The following KIF1B variants were observed in gnomAD, a reference collection of about 807,000 sequenced individuals.
The protein encoded by KIF1B is kinesin-like protein KIF1B.
In KIF1B, 76 loss-of-function variants were observed where a neutral mutation model predicts 241.9. The ratio of observed to expected loss-of-function variants is 0.31; its 90% CI spans 0.26 to 0.38. The LOEUF (loss-of-function observed/expected upper bound fraction) is 0.38, where lower values mean the gene tolerates loss of function less well. Ranked by LOEUF, KIF1B falls within the 10% of genes least tolerant of loss-of-function variation. The pLI, the probability that KIF1B is intolerant of heterozygous loss-of-function variation, is 1.00. For synonymous variants in KIF1B, 750 were observed against 796.7 expected (o/e 0.94, Z 0.99); for missense variants, 1,622 against 2,271.4 (o/e 0.71, Z 5.81).
In KIF1B at chr1:10,328,589, G is replaced by A. The variant is rs150168465; in HGVS notation, c.2924+2230G>A. On this transcript the variant is annotated intron_variant, in intron 27 of 48. Transcript: ENST00000676179. ...GATGGCTGCCTGTGTTCTTCAGCAC[G>A]TTTCCATCCTGTTCTAAGGGAGTTG... Among the ~76,000 whole-genome samples the A allele has an allele frequency of 7.4e-4, 113 of 152,338 alleles. 1 individual carries two copies. In the East Asian group the frequency reaches 0.019, roughly 25 times the overall value.
At chr1:10,314,887 G>A (rs1486747552) in intron 22 of KIF1B, among the ~76,000 whole-genome samples, 1 of 151,478 alleles carries the variant, frequency 6.6e-6, no homozygotes, top group Non-Finnish European at 1.5e-5. Flanking sequence ...ACTTATTCTT[G>A]AAGAAATCCT....
intron 15 of KIF1B, among the ~76,000 whole-genome samples, chr1:10,290,713 T>A (rs1219654579): frequency 6.6e-6 from 1 of 151,534 alleles, no homozygotes; most frequent in East Asian, 2.0e-4. Flanking sequence ...CTACTAAAAA[T>A]ACAAAAATTA....
At chr1:10,233,566 A>G (rs893009622) in intron 2 of KIF1B, among the ~76,000 whole-genome samples, 1 of 151,896 alleles carries the variant, frequency 6.6e-6, no homozygotes, top group Non-Finnish European at 1.5e-5. Context: ...ATTGTAGTTC[A>G]CTCTTCTATG....
chr1:10,284,095 C>T (rs976512542), intron 15 of KIF1B, among the ~76,000 whole-genome samples: 7 of 152,240 alleles, frequency 4.6e-5, no homozygotes, highest in South Asian at 2.1e-4. Flanking sequence ...CAGTGTGGGC[C>T]GGGCATGGTG....
At chr1:10,240,265 G>A (rs1316436311) in intron 2 of KIF1B, among the ~76,000 whole-genome samples, 1 of 151,242 alleles carries the variant, frequency 6.6e-6, no homozygotes, top group Non-Finnish European at 1.5e-5. Context: ...CTGGAGTGCA[G>A]TGGTGCGATC....
intron 37 of KIF1B, among the ~76,000 whole-genome samples, chr1:10,352,361 G>T (rs1027938723): frequency 6.6e-6 from 1 of 152,328 alleles, no homozygotes; most frequent in Admixed American, 6.5e-5. Flanking sequence ...GACCAGAGAG[G>T]AGGTGGCCTT....
intron 2 of KIF1B, among the ~76,000 whole-genome samples, chr1:10,252,542 G>T (rs1647520006): frequency 6.6e-6 from 1 of 151,690 alleles, no homozygotes; most frequent in South Asian, 2.1e-4. Flanking sequence ...CCCCTGAGTA[G>T]CTGGGAGTGC....
intron 31 of KIF1B, among the ~76,000 whole-genome samples, chr1:10,338,974 A>T (rs1213295805): frequency 1.3e-5 from 2 of 151,904 alleles, no homozygotes; most frequent in African/African-American, 4.8e-5. Flanking sequence ...CTTTTTCTCC[A>T]TTTTTTCTTG....
intron 10 of KIF1B, 106 bp from the exon 11 acceptor site, chr1:10,275,322 G>A (rs192109748): frequency 1.5e-5 from 11 of 722,450 alleles, no homozygotes; most frequent in Admixed American, 9.9e-5. Flanking sequence ...CAGTGTCGGG[G>A]TTGTACTGTA....
At chr1:10,314,760 T>C (rs571162846) in intron 22 of KIF1B, among the ~76,000 whole-genome samples, 3 of 151,756 alleles carry the variant, frequency 2.0e-5, no homozygotes, top group East Asian at 3.9e-4. Flanking sequence ...GGGAAATCTT[T>C]TCATGTTAGT....
At chr1:10,237,958 G>A (rs767655344) in intron 2 of KIF1B, among the ~76,000 whole-genome samples, 3 of 152,102 alleles carry the variant, frequency 2.0e-5, no homozygotes, top group East Asian at 1.9e-4. Flanking sequence ...GCGGTGAGCC[G>A]TGATCACGCC....
Position 10,345,838 on chromosome 1 carries a change from T to C in KIF1B, c.3689-7T>C, listed in dbSNP as rs1187268642. ...AGATTTTGACATACTCTAAAAACTTTTAAAAGTTCCAGCCACCAAGTTAAA... is the reference window on the plus strand; with the variant it reads ...AGATTTTGACATACTCTAAAAACTTCTAAAAGTTCCAGCCACCAAGTTAAA... On this transcript the variant is annotated splice_polypyrimidine_tract_variant and splice_region_variant and intron_variant, in intron 34 of 48. Coordinates refer to ENST00000676179, the MANE Select transcript of KIF1B (RefSeq NM_001365951.3). The C allele has an allele frequency of 6.2e-7, 1 of 1,612,980 alleles. No homozygotes were observed. Among genetic ancestry groups the C allele is most frequent in the African/African-American group, 1.3e-5 (1 of 74,910 alleles).
intron 1 of KIF1B, among the ~76,000 whole-genome samples, chr1:10,231,950 G>A (rs1646988929): frequency 6.6e-6 from 1 of 151,902 alleles, no homozygotes; most frequent in African/African-American, 2.4e-5. Flanking sequence ...ATTTACTGTT[G>A]GGAATATAAG....
rs1638925654 is a variant in KIF1B at position 10,377,726 on chromosome 1, C to G, written c.*1139C>G. 1 of 186,286 alleles carries G rather than the reference C, an allele frequency of 5.4e-6. No individual in the cohort carries two copies. The highest frequency in any genetic ancestry group is 2.3e-5 in the African/African-American group (1 of 42,704). The allele number at this position is 186,286 out of a possible 1,614,324, so 11.5% of individuals were successfully genotyped here. On this transcript the variant is annotated 3_prime_UTR_variant, in exon 49 of 49. Coordinates refer to ENST00000676179, the MANE Select transcript of KIF1B (RefSeq NM_001365951.3). ...GGCCGAGGCGGGCAGATCACGAGAT[C>G]AGGAGTTCAAGACCAGCCTGGCCAA...
intron 2 of KIF1B, among the ~76,000 whole-genome samples, chr1:10,236,730 A>G (rs146333952): frequency 1.3e-5 from 2 of 151,846 alleles, no homozygotes; most frequent in East Asian, 3.9e-4. Context: ...TTCTATGGCA[A>G]TTTCTTAGTA....
chr1:10,266,640 T>G (rs1301859725), intron 5 of KIF1B, among the ~76,000 whole-genome samples: 1 of 152,244 alleles, frequency 6.6e-6, no homozygotes, highest in Non-Finnish European at 1.5e-5. Flanking sequence ...ATATTGATAT[T>G]GTTCCTTGGT....
At chr1:10,237,875 G>T (rs1017159099) in intron 2 of KIF1B, among the ~76,000 whole-genome samples, 2 of 151,682 alleles carry the variant, frequency 1.3e-5, no homozygotes, top group Non-Finnish European at 2.9e-5. Context: ...TGGGTGTGGT[G>T]GTGTGCACCT....
At chr1:10,319,600 A>G (rs1218665792) in intron 22 of KIF1B, among the ~76,000 whole-genome samples, 2 of 152,186 alleles carry the variant, frequency 1.3e-5, no homozygotes, top group Non-Finnish European at 1.5e-5. Context: ...TTTTCCTTCC[A>G]AAGAGTTAGA....
At chr1:10,275,314 G>A (rs1482944929) in intron 10 of KIF1B, 114 bp from the exon 11 acceptor site, 1 of 697,826 alleles carries the variant, frequency 1.4e-6, no homozygotes, top group African/African-American at 1.8e-5. Context: ...AACTTCCACA[G>A]TGTCGGGGTT....
Sources: gnomAD v4.1 joint callset for allele counts (sites outside exome capture counted in the v4.1 genomes callset) on GRCh38, gnomAD v4.1.1 for gene constraint, MANE v1.5 for transcripts, NCBI Gene and HGNC (gene_info 2026-07-23, HGNC 2026-07-21) for gene names.